The following EMSY variants were observed in gnomAD, a reference collection of about 807,000 sequenced individuals.
EMSY encodes the protein BRCA2-interacting transcriptional repressor EMSY.
EMSY carries 26 observed loss-of-function variants against 134.6 expected under a neutral mutation model. The observed-to-expected ratio is 0.19, with a 90% CI of 0.14 to 0.27. The LOEUF is 0.27. EMSY is among the 10% of genes least tolerant of loss of function. The pLI is 1.00. For synonymous variants in EMSY, 579 were observed against 577.8 expected (o/e 1.00, Z -0.03); for missense variants, 1,305 against 1,611.4 (o/e 0.81, Z 3.26).
At chr11:76,453,505 C>T (rs964188481) in intron 4 of EMSY, 117 bp downstream of exon 4, 3 of 864,298 alleles carry the variant, frequency 3.5e-6, no homozygotes, top group African/African-American at 1.7e-5. Context: ...TATCTCTATA[C>T]TCAGGGATCC....
intron 17 of EMSY, among the ~76,000 whole-genome samples, chr11:76,541,635 T>G (rs375185666): frequency 2.3e-4 from 35 of 152,366 alleles, no homozygotes; most frequent in East Asian, 1.2e-3. Flanking sequence ...CCAAGCGTGA[T>G]TCTTGATTCA....
intron 7 of EMSY, among the ~76,000 whole-genome samples, chr11:76,466,618 C>T (rs987289239): frequency 1.3e-5 from 2 of 152,104 alleles, no homozygotes; most frequent in Non-Finnish European, 2.9e-5. Flanking sequence ...AGAACCTCCT[C>T]GAGTTTCTTG....
intron 6 of EMSY, among the ~76,000 whole-genome samples, chr11:76,463,350 G>A (rs1229454030): frequency 6.0e-5 from 9 of 149,258 alleles, no homozygotes; most frequent in South Asian, 4.3e-4. Context: ...GCAGCCGGGC[G>A]CGGTGGCTCA....
At chr11:76,544,683 A>C in exon 19 of EMSY, 1 of 1,614,194 alleles carries the variant, frequency 6.2e-7, no homozygotes, top group Non-Finnish European at 8.5e-7. Context: ...ACTGTAGTAC[A>C]GGTGCTTGCA....
chr11:76,550,382 C>T (rs1054922210), exon 21 of EMSY: 7 of 326,990 alleles, frequency 2.1e-5, no homozygotes, highest in African/African-American at 1.3e-4. Context: ...TGCACATTTA[C>T]AGTGACTTAA....
At chr11:76,488,346 A>G (rs1270485370) in intron 8 of EMSY, among the ~76,000 whole-genome samples, 2 of 152,144 alleles carry the variant, frequency 1.3e-5, no homozygotes, top group African/African-American at 4.8e-5. Flanking sequence ...TACACCTGTA[A>G]TCGTAGCTAC....
chr11:76,483,392 C>A (rs1949057715), intron 8 of EMSY, among the ~76,000 whole-genome samples: 1 of 152,120 alleles, frequency 6.6e-6, no homozygotes, highest in Non-Finnish European at 1.5e-5. Flanking sequence ...GGATCAGATT[C>A]ACACATAACA....
intron 11 of EMSY, among the ~76,000 whole-genome samples, chr11:76,518,588 C>T (rs1366496158): frequency 6.6e-6 from 1 of 150,818 alleles, no homozygotes; most frequent in Non-Finnish European, 1.5e-5. Context: ...AATTAAAAAC[C>T]TTTGATTTTT....
chr11:76,539,221 A>C (rs1047100785), intron 16 of EMSY, among the ~76,000 whole-genome samples: 3 of 152,202 alleles, frequency 2.0e-5, no homozygotes, highest in African/African-American at 7.2e-5. Context: ...AATGTGAATA[A>C]TTAAAGGGTT....
chr11:76,551,694 T>A (rs1339348105), downstream of EMSY: 2 of 152,314 alleles, frequency 1.3e-5, no homozygotes, highest in East Asian at 3.9e-4. Flanking sequence ...TTGTGACTGT[T>A]TCTAGTTAAG....
At chr11:76,523,435 G>A (rs948026237) in intron 12 of EMSY, 144 bp downstream of exon 13, 3 of 903,022 alleles carry the variant, frequency 3.3e-6, no homozygotes, top group Non-Finnish European at 4.8e-6. Flanking sequence ...AACTGTTAAA[G>A]CACCACCAAC....
At chr11:76,550,354 G>T in exon 21 of EMSY, 1 of 329,952 alleles carries the variant, frequency 3.0e-6, no homozygotes, top group Non-Finnish European at 5.2e-6. Flanking sequence ...AAAAAAAAAT[G>T]AAAAAGAAAA....
At chr11:76,538,086 A>G (rs1591009777) in intron 16 of EMSY, 136 bp downstream of exon 17, 1 of 739,398 alleles carries the variant, frequency 1.4e-6, no homozygotes, top group Non-Finnish European at 2.0e-6. Flanking sequence ...AATTCACACC[A>G]TCCTTGGGAT....
rs746491659 is a variant in EMSY, at chr11:76,523,704, C to CTTTTTTTTTTTTTTT, written c.1821+420_1821+434dup. Among the ~76,000 whole-genome samples the CTTTTTTTTTTTTTTT allele has an allele frequency of 4.1e-3, 333 of 80,532 alleles. 7 individuals carry two copies. The highest frequency in any genetic ancestry group is 7.1e-3 in the African/African-American group (137 of 19,404). 52.8% of individuals were successfully genotyped at this position (80,532 alleles called of 152,430 possible). A position where few individuals can be genotyped will look rare whatever the true frequency, so the allele number is the denominator to read the frequency against. Reference sequence around the variant, plus strand: ...TTAATTGATGGGGATTTGTTACTTTCTTTTTTTTTTTTTTTTTTTTTCATT... The same window carrying CTTTTTTTTTTTTTTT: ...TTAATTGATGGGGATTTGTTACTTTCTTTTTTTTTTTTTTTTTTTTTTTTTTTTTTTTTTTTCATT... On this transcript the variant is annotated intron_variant, in intron 12 of 20. Transcript: ENST00000334736.
At chr11:76,527,334 T>TA (rs200392520) in intron 13 of EMSY, among the ~76,000 whole-genome samples, 9 of 149,472 alleles carry the variant, frequency 6.0e-5, no homozygotes, top group East Asian at 5.8e-4. Context: ...TTTACGTATC[T>TA]AAAAAAAAAA....
At chr11:76,475,729 G>A (rs576146147) in intron 8 of EMSY, among the ~76,000 whole-genome samples, 43 of 152,336 alleles carry the variant, frequency 2.8e-4, no homozygotes, top group African/African-American at 9.6e-4. Context: ...TGGTAACACA[G>A]ACTGCGTTTG....
exon 4 of EMSY, chr11:76,453,333 C>T (rs368088726): frequency 1.9e-5 from 30 of 1,612,696 alleles, no homozygotes; most frequent in African/African-American, 4.0e-5. Context: ...AGAACGCCAC[C>T]GTGCTGAAGT....
At chr11:76,489,315 CTTTTTTTT>C (rs57048007) in intron 8 of EMSY, among the ~76,000 whole-genome samples, 3 of 128,146 alleles carry the variant, frequency 2.3e-5, no homozygotes, top group Admixed American at 1.5e-4. Flanking sequence ...TTCTTGTTTT[CTTTTTTTT>C]TTTTTTTTTG....
intron 9 of EMSY, among the ~76,000 whole-genome samples, chr11:76,505,096 C>T (rs1950019495): frequency 6.6e-6 from 1 of 152,132 alleles, no homozygotes; most frequent in South Asian, 2.1e-4. Flanking sequence ...GATGGCTGAA[C>T]ATATCTGTGA....
Sources: gnomAD v4.1 joint callset for allele counts (sites outside exome capture counted in the v4.1 genomes callset) on GRCh38, gnomAD v4.1.1 for gene constraint, MANE v1.5 for transcripts, NCBI Gene and HGNC (gene_info 2026-07-23, HGNC 2026-07-21) for gene names.